PAX5: variants seen among roughly 807,000 people sequenced by gnomAD.
PAX5 encodes paired box 5, also known as paired box protein Pax-5.
Under a neutral mutation model 43.7 loss-of-function variants are expected in PAX5, and 9 were observed. The ratio of observed to expected loss-of-function variants is 0.21; its 90% confidence interval spans 0.12 to 0.36. PAX5 has a LOEUF of 0.36. Among genes scored for constraint, PAX5 ranks in the 10% least tolerant of loss-of-function variants. PAX5 has a pLI of 1.00. For missense variants in PAX5, 383 were observed against 532.7 expected, an observed-to-expected ratio of 0.72 and a Z score of 2.77; for synonymous variants, 228 against 214.3, an observed-to-expected ratio of 1.06 and a Z score of -0.56.
chr9:36,978,230 T>C lies in PAX5; in HGVS notation c.605-11506A>G, dbSNP rs116750427. ...ATCCATACTGTCCAAGTCCATTACC[T>C]CATACAGTAGTCCCTAATTACTCCA... On this transcript the variant is annotated intron_variant, in intron 5 of 9. Transcript: ENST00000358127. Among the ~76,000 whole-genome samples the C allele has an allele frequency of 9.7e-3, 1,483 of 152,306 alleles. 21 individuals carry two copies. Among genetic ancestry groups the C allele is most frequent in the African/African-American group, 0.034 (1,428 of 41,556 alleles).
intron 8 of PAX5, among the ~76,000 whole-genome samples, chr9:36,867,060 T>G (rs10597091): frequency 0.086 from 2,690 of 31,362 alleles, 51 homozygotes; most frequent in Middle Eastern, 0.21. Flanking sequence ...GATGGGGTGG[T>G]GGGGGGGGGG....
chr9:36,973,230 A>C (rs1033287784), intron 5 of PAX5, among the ~76,000 whole-genome samples: 2 of 152,128 alleles, frequency 1.3e-5, no homozygotes, highest in African/African-American at 4.8e-5. Flanking sequence ...TGTTTTATGC[A>C]CTACAACACC....
At chr9:37,016,639 T>A (rs757211976) in intron 2 of PAX5, among the ~76,000 whole-genome samples, 7 of 152,244 alleles carry the variant, frequency 4.6e-5, no homozygotes, top group Non-Finnish European at 1.0e-4. Flanking sequence ...GAAGAATTCT[T>A]GATTTCCTTT....
intron 8 of PAX5, among the ~76,000 whole-genome samples, chr9:36,863,014 C>G (rs1824374759): frequency 6.6e-6 from 1 of 152,144 alleles, no homozygotes; most frequent in South Asian, 2.1e-4. Flanking sequence ...CCAGCCTGCT[C>G]TACAGCCACC....
At position 36,833,493 on chromosome 9, in the gene PAX5, A is replaced by G. The variant is rs1821423355; in HGVS notation, c.*7067T>C. ...CAGTCAACCATTTAACTTAAAAGGA[A>G]GCCACAAATTTCAGGTTTGACAAGG... On this transcript the variant is annotated 3_prime_UTR_variant, in exon 10 of 10. Coordinates refer to ENST00000358127, the MANE Select transcript of PAX5 (RefSeq NM_016734.3). The G allele has an allele frequency of 8.6e-6, 2 of 233,130 alleles. No homozygotes were observed. The highest frequency in any genetic ancestry group is 2.2e-5 in the African/African-American group (1 of 45,334). 14.4% of individuals were successfully genotyped at this position (233,130 alleles called of 1,614,324 possible).
In PAX5 at chr9:36,951,427, T is replaced by C. The variant is rs146953142; in HGVS notation, c.780+15122A>G. 1.0e-3 allele frequency among the ~76,000 whole-genome samples: 158 copies of C among 152,354 alleles called. 3 individuals are homozygous for C. The East Asian group carries it at 0.016, about 16-fold the overall frequency. The stretch of plus-strand genomic sequence containing the variant: ...CAAGTGCGTACAGGTTCAGGATTGT[T>C]ATATTTTCCTACAAATTGTTCTTGT... On this transcript the variant is annotated intron_variant, in intron 6 of 9. Transcript: ENST00000358127.
rs529127317 is a variant in PAX5, at chr9:36,946,066, C to T, written c.780+20483G>A. Among the ~76,000 whole-genome samples the T allele has an allele frequency of 9.9e-5, 15 of 152,144 alleles. No individual in the cohort carries two copies. The South Asian group carries it at 2.9e-3, about 30-fold the overall frequency. Reference sequence around the variant, plus strand: ...AACTCTGCAGTGCTCCATCAGGAAGCGACTCCCTGAGGAGTGCTCCGTCAG... The same window carrying T: ...AACTCTGCAGTGCTCCATCAGGAAGTGACTCCCTGAGGAGTGCTCCGTCAG... On this transcript the variant is annotated intron_variant, in intron 6 of 9. Coordinates refer to ENST00000358127, the MANE Select transcript of PAX5 (RefSeq NM_016734.3).
rs1464819447 is a variant in PAX5, at chr9:36,833,795, T to G, written c.*6765A>C. On this transcript the variant is annotated 3_prime_UTR_variant, in exon 10 of 10. Coordinates refer to ENST00000358127, the MANE Select transcript of PAX5 (RefSeq NM_016734.3). Reference sequence around the variant, plus strand: ...GAAGCATTTTTTTTTTTCAATCCGTTGGAGACAGATCATCTCCCACTTTCA... The same window carrying G: ...GAAGCATTTTTTTTTTTCAATCCGTGGGAGACAGATCATCTCCCACTTTCA... 1 of 232,818 alleles carries G rather than the reference T, an allele frequency of 4.3e-6. No individual in the cohort carries two copies. The highest frequency in any genetic ancestry group is 2.2e-5 in the African/African-American group (1 of 45,298). 14.4% of individuals were successfully genotyped at this position (232,818 alleles called of 1,614,324 possible).
At chr9:36,992,562 T>C (rs1837038070) in intron 5 of PAX5, among the ~76,000 whole-genome samples, 1 of 152,216 alleles carries the variant, frequency 6.6e-6, no homozygotes, top group Non-Finnish European at 1.5e-5. Flanking sequence ...TAGCTATGTC[T>C]TTCCGTGGGA....
chr9:37,001,810 C>CTTTTTTTTTTTTTTT (rs3073720), intron 5 of PAX5, among the ~76,000 whole-genome samples: 35 of 87,978 alleles, frequency 4.0e-4, no homozygotes, highest in South Asian at 1.0e-3. Context: ...ACAGCTCTGG[C>CTTTTTTTTTTTTTTT]TTTTTTTTTT....
rs1821580654 is a variant in PAX5 at position 36,835,512 on chromosome 9, C to G, written c.*5048G>C. ...AAGTACACATCAGCACTGTGGTTCC[C>G]CCATGAATATGCAAGAGGGAACCCT... On this transcript the variant is annotated 3_prime_UTR_variant, in exon 10 of 10. Transcript: ENST00000358127. 4.3e-6 allele frequency: 1 copy of G among 233,166 alleles called. No homozygotes were observed. The highest frequency in any genetic ancestry group is 8.5e-6 in the Non-Finnish European group (1 of 117,966). The allele number at this position is 233,166 out of a possible 1,614,324, so 14.4% of individuals were successfully genotyped here. A position where few individuals can be genotyped will look rare whatever the true frequency, so the allele number is the denominator to read the frequency against.
chr9:36,867,666 T>A (rs1349227400), intron 8 of PAX5, among the ~76,000 whole-genome samples: 1 of 152,204 alleles, frequency 6.6e-6, no homozygotes, highest in African/African-American at 2.4e-5. Context: ...GCGAAGGGTA[T>A]GGTAACACAG....
chr9:37,026,904 C>T (rs1554687315), intron 1 of PAX5, among the ~76,000 whole-genome samples: 2 of 152,324 alleles, frequency 1.3e-5, no homozygotes, highest in African/African-American at 2.4e-5. Context: ...GGGGGCATAG[C>T]GTAGGGGCCC....
At chr9:36,941,575 C>T (rs1432720043) in intron 6 of PAX5, among the ~76,000 whole-genome samples, 1 of 152,138 alleles carries the variant, frequency 6.6e-6, no homozygotes, top group African/African-American at 2.4e-5. Context: ...CAGATTGGAG[C>T]CACCACCTGT....
chr9:36,916,874 G>A (rs9696279), intron 7 of PAX5, among the ~76,000 whole-genome samples: 29,779 of 151,842 alleles, frequency 0.2, 3,045 homozygotes, highest in African/African-American at 0.22. Flanking sequence ...TGGTAGAGAC[G>A]GGGTTTCACC....
chr9:37,025,837 CG>C, intron 1 of PAX5, among the ~76,000 whole-genome samples: 1 of 152,236 alleles, frequency 6.6e-6, no homozygotes, highest in Admixed American at 6.5e-5. Flanking sequence ...CTTTCTTTTT[CG>C]TTTCTTATCC....
chr9:37,023,783 T>C (rs1329393022), intron 1 of PAX5, among the ~76,000 whole-genome samples: 1 of 152,076 alleles, frequency 6.6e-6, no homozygotes, highest in East Asian at 1.9e-4. Flanking sequence ...AAATTTTTCC[T>C]AGATGCACCA....
At chr9:36,998,500 C>T (rs1837581550) in intron 5 of PAX5, among the ~76,000 whole-genome samples, 1 of 152,236 alleles carries the variant, frequency 6.6e-6, no homozygotes, top group Non-Finnish European at 1.5e-5. Context: ...CTGATCCACT[C>T]TACCAAGGAG....
chr9:36,973,687 C>G, intron 5 of PAX5, among the ~76,000 whole-genome samples: 1 of 151,654 alleles, frequency 6.6e-6, no homozygotes, highest in South Asian at 2.1e-4. Flanking sequence ...GGCAACATGG[C>G]GAGACCCCCA....
Sources: gnomAD v4.1 joint callset for allele counts (sites outside exome capture counted in the v4.1 genomes callset) on GRCh38, gnomAD v4.1.1 for gene constraint, MANE v1.5 for transcripts, NCBI Gene and HGNC (gene_info 2026-07-23, HGNC 2026-07-21) for gene names.